SERINC2: variants seen among roughly 807,000 people sequenced by gnomAD.
SERINC2 encodes the protein serine incorporator 2.
A neutral mutation model predicts 54.2 loss-of-function variants in SERINC2; 56 were observed. The ratio of observed to expected loss-of-function variants is 1.03; its 90% CI spans 0.83 to 1.29. SERINC2 has a LOEUF of 1.29. SERINC2 is among the 50% of genes most tolerant of loss of function. SERINC2 has a pLI of 0.00. For missense variants in SERINC2, 614 were observed against 607.4 expected, an observed-to-expected ratio of 1.01 and a Z score of -0.12; for synonymous variants, 272 against 253.1, an observed-to-expected ratio of 1.07 and a Z score of -0.71.
rs75235091 is a variant in SERINC2 at position 31,426,332 on chromosome 1, C to T, written c.611-322C>T. Among the ~76,000 whole-genome samples the T allele has an allele frequency of 5.6e-3, 859 of 152,296 alleles. 65 individuals carry two copies. The East Asian group carries it at 0.14, about 25-fold the overall frequency. ...CCTGGGTGCTGTTTGGTTTCCACACCTCCCTAGACTTGCCAGTATCTCTCA... is the reference window on the plus strand; with the variant it reads ...CCTGGGTGCTGTTTGGTTTCCACACTTCCCTAGACTTGCCAGTATCTCTCA... On this transcript the variant is annotated intron_variant, in intron 5 of 9. Transcript: ENST00000373709.
At chr1:31,417,359 A>C (rs1553132324) in intron 1 of SERINC2, among the ~76,000 whole-genome samples, 1 of 152,180 alleles carries the variant, frequency 6.6e-6, no homozygotes. Flanking sequence ...GGCATGGCAT[A>C]CAGGGACATT....
At chr1:31,425,469 G>A in intron 4 of SERINC2, 60 bp downstream of exon 4, 14 of 1,245,168 alleles carry the variant, frequency 1.1e-5, no homozygotes, top group Non-Finnish European at 1.5e-5. Context: ...GCGGCAGGTT[G>A]GAGGAACGTG....
At chr1:31,409,901 A>G (rs1403267699), upstream of SERINC2, 3 of 1,482,496 alleles carry the variant, frequency 2.0e-6, no homozygotes, top group African/African-American at 4.2e-5. Context: ...AGGCGGGGGC[A>G]GGAGTTCGTT....
chr1:31,423,760 C>A lies in SERINC2; in HGVS notation c.107C>A (p.Thr36Asn). Residue 36 changes from threonine (T) to asparagine (N), a missense_variant, in exon 2 of 10, where the codon ACC (threonine) becomes AAC (asparagine). Thr to Asn is a moderately conservative substitution (Grantham distance 65, BLOSUM62 0). Coordinates refer to ENST00000373709, the MANE Select transcript of SERINC2 (RefSeq NM_178865.5). ...CSCCPASRNS[T>N]VSRLIFTFFL... ...TGCTGCCCCGCCAGCCGCAACTCCA[C>A]CGTGAGCCGCCTCATCTTCACGTTC... 1 of 1,613,736 alleles carries A rather than the reference C, an allele frequency of 6.2e-7. No homozygotes were observed. Among genetic ancestry groups the A allele is most frequent in the East Asian group, 2.2e-5 (1 of 44,874 alleles).
intron 8 of SERINC2, among the ~76,000 whole-genome samples, chr1:31,431,795 A>AGAGGGTGGATAGGGTGGATAGGGTGGT (rs1557499798): frequency 2.0e-5 from 1 of 49,710 alleles, no homozygotes; most frequent in Admixed American, 2.2e-4. Context: ...GATAGGGTGG[A>AGAGGGTGGATAGGGTGGATAGGGTGGT]TAGGGTGGAC....
At position 31,426,664 on chromosome 1, in the gene SERINC2, C is replaced by T. The variant is rs1308255714; in HGVS notation, c.621C>T (p.Phe207=). 6.2e-7 allele frequency: 1 copy of T among 1,608,876 alleles called. No homozygotes were observed. The highest frequency in any genetic ancestry group is 1.7e-5 in the Admixed American group (1 of 59,862). ...ACCCCTCTGGCCCAGGCCTCTTCTT[C>T]TTCACTCTCCTCTTCTACTTGCTGT... is the stretch of plus-strand genomic sequence containing the variant. ...DSRAWYAGLF[F]FTLLFYLLSI... Residue 207 remains phenylalanine, a synonymous_variant, in exon 6 of 10, where the codon TTC becomes TTT. Coordinates refer to ENST00000373709, the MANE Select transcript of SERINC2 (RefSeq NM_178865.5).
chr1:31,412,000 CAAAAAAAAAAAAAA>C (rs11368197), upstream of SERINC2, among the ~76,000 whole-genome samples: 2 of 44,504 alleles, frequency 4.5e-5, no homozygotes, highest in African/African-American at 1.8e-4. Flanking sequence ...GACCCTGTCT[CAAAAAAAAAAAAAA>C]AAAAAAAAAA....
rs781852765 is a variant in SERINC2, at chr1:31,433,144, G to T, written c.1191G>T (p.Leu397=). ...CCTTCTTCCACTTCTGCCTGGTGCT[G>T]GCCTCACTGCACGTCATGATGACGC... The part of the protein sequence containing the change: ...SYSFFHFCLV[L]ASLHVMMTLT... The change falls in exon 9 of 10, where the codon CTG becomes CTT. Residue 397 remains leucine, a synonymous_variant. Coordinates refer to ENST00000373709, the MANE Select transcript of SERINC2 (RefSeq NM_178865.5). 6.2e-7 allele frequency: 1 copy of T among 1,613,760 alleles called. No homozygotes were observed. The highest frequency in any genetic ancestry group is 8.5e-7 in the Non-Finnish European group (1 of 1,180,008).
chr1:31,432,910 A>G (rs1168843845), intron 8 of SERINC2, 57 bp from the exon 9 acceptor site: 1 of 1,377,658 alleles, frequency 7.3e-7, no homozygotes, highest in African/African-American at 1.4e-5. Context: ...ATTTGTGTCC[A>G]GTGTTATGAG....
intron 6 of SERINC2, among the ~76,000 whole-genome samples, chr1:31,428,225 A>C (rs1445040130): frequency 6.6e-6 from 1 of 151,604 alleles, no homozygotes; most frequent in South Asian, 2.1e-4. Flanking sequence ...TTTTTAGTAG[A>C]GACAGGGTCT....
At chr1:31,422,713 T>TA (rs1640932176) in intron 1 of SERINC2, among the ~76,000 whole-genome samples, 2 of 152,238 alleles carry the variant, frequency 1.3e-5, no homozygotes, top group African/African-American at 4.8e-5. Flanking sequence ...TGGGGGAAGA[T>TA]AAAGTTTACC....
chr1:31,415,720 C>T (rs1258634216), intron 1 of SERINC2, among the ~76,000 whole-genome samples: 1 of 152,202 alleles, frequency 6.6e-6, no homozygotes, highest in African/African-American at 2.4e-5. Context: ...ACACCAGTAC[C>T]ATCCTGTTGC....
intron 1 of SERINC2, among the ~76,000 whole-genome samples, chr1:31,417,765 A>G (rs1490030538): frequency 6.6e-6 from 1 of 151,164 alleles, no homozygotes; most frequent in East Asian, 1.9e-4. Context: ...GAGTCATACA[A>G]TATTTGTTCT....
At chr1:31,410,839 G>A (rs1269670938), upstream of SERINC2, among the ~76,000 whole-genome samples, 2 of 152,162 alleles carry the variant, frequency 1.3e-5, no homozygotes, top group Non-Finnish European at 2.9e-5. Flanking sequence ...GGATAGGGAG[G>A]GGTTGGGGGT....
At chr1:31,426,926 A>G (rs1641061360) in intron 6 of SERINC2, 103 bp downstream of exon 6, 1 of 1,092,076 alleles carries the variant, frequency 9.2e-7, no homozygotes, top group South Asian at 1.5e-5. Flanking sequence ...TCACAGAGGC[A>G]CGGCCTGAGT....
rs782139488 is a variant in SERINC2, at chr1:31,423,695, G to A, written c.42G>A (p.Ala14=). 6.2e-6 allele frequency: 10 copies of A among 1,607,480 alleles called. No individual in the cohort carries two copies. Among genetic ancestry groups the A allele is most frequent in the East Asian group, 4.5e-5 (2 of 44,890 alleles). Residue 14 remains alanine (A), a splice_region_variant and synonymous_variant, in exon 2 of 10, where the codon GCG becomes GCA. Transcript: ENST00000373709. ...AGAGTGACAGTGCCCTCCCGCAGGC[G>A]TCCTGCCTCTGCGGCTCTGCCCCCT... ...CLGACSLLSC[A]SCLCGSAPCI... is the part of the protein sequence containing the mutation.
intron 1 of SERINC2, among the ~76,000 whole-genome samples, chr1:31,419,903 G>A (rs182539659): frequency 2.6e-4 from 39 of 152,300 alleles, no homozygotes; most frequent in African/African-American, 8.7e-4. Flanking sequence ...CAGCTACTCC[G>A]GAGGCTGAGG....
At position 31,431,813 on chromosome 1, in the gene SERINC2, A is replaced by ATAGGATGGT. The variant is rs1641226770; in HGVS notation, c.1014-1154_1014-1153insTAGGATGGT. On this transcript the variant is annotated intron_variant, in intron 8 of 9. Coordinates refer to ENST00000373709, the MANE Select transcript of SERINC2 (RefSeq NM_178865.5). ...AGGGTGGATAGGGTGGACAGGGTGG[A>ATAGGATGGT]CAGGGTGGATAGGGTGGATAGGGTG... Among the ~76,000 whole-genome samples the ATAGGATGGT allele has an allele frequency of 4.0e-5, 3 of 75,086 alleles. 1 individual carries two copies. The highest frequency in any genetic ancestry group is 6.5e-4 in the East Asian group (2 of 3,086). The allele number at this position is 75,086 out of a possible 152,430, so 49.3% of individuals were successfully genotyped here.
chr1:31,417,382 C>T (rs797026152), intron 1 of SERINC2, among the ~76,000 whole-genome samples: 4 of 152,294 alleles, frequency 2.6e-5, no homozygotes, highest in African/African-American at 4.8e-5. Flanking sequence ...CCACCACTTC[C>T]GTGACCTCTG....
Sources: gnomAD v4.1 joint callset for allele counts (sites outside exome capture counted in the v4.1 genomes callset) on GRCh38, gnomAD v4.1.1 for gene constraint, MANE v1.5 for transcripts, NCBI Gene and HGNC (gene_info 2026-07-23, HGNC 2026-07-21) for gene names.